PLEKHG3: variants seen among roughly 807,000 people sequenced by gnomAD.
PLEKHG3 encodes pleckstrin homology domain-containing family G member 3.
PLEKHG3 carries 62 observed loss-of-function variants against 94.9 expected under a neutral mutation model. The observed-to-expected ratio is 0.65, with a 90% CI of 0.53 to 0.81. The LOEUF is 0.81. Among genes scored for constraint, PLEKHG3 ranks in the 30% least tolerant of loss-of-function variants. PLEKHG3 has a pLI of 0.00. For synonymous variants in PLEKHG3, 614 were observed against 654.0 expected, an observed-to-expected ratio of 0.94 and a Z score of 0.93; for missense variants, 1,461 against 1,619.3, an observed-to-expected ratio of 0.90 and a Z score of 1.68.
At chr14:64,737,495 C>T (rs927075065) in intron 14 of PLEKHG3, 120 bp downstream of exon 14, 3 of 676,858 alleles carry the variant, frequency 4.4e-6, no homozygotes, top group Non-Finnish European at 7.6e-6. Flanking sequence ...ACTAAGCACC[C>T]ACTGTGTACC....
In PLEKHG3 at chr14:64,738,598, T is replaced by TTGGCTCTGGAA; in HGVS notation, c.1405-137_1405-127dup. ...GCAGCCCCAGGCCTGGCAGTTCAGG[T>TTGGCTCTGGAA]TGGCTCTGGAATGGCTCAGGTCCAA... is the stretch of plus-strand genomic sequence containing the variant. On this transcript the variant is annotated intron_variant, in intron 14 of 16. Coordinates refer to ENST00000247226, the MANE Select transcript of PLEKHG3 (RefSeq NM_001308147.2). This position sits in a 1 kb window ranked among gnomAD's most constrained non-coding sequence, Gnocchi z 4.8. 3.1e-6 allele frequency: 2 copies of TTGGCTCTGGAA among 652,036 alleles called. No individual in the cohort carries two copies. The highest frequency in any genetic ancestry group is 3.8e-5 in the South Asian group (2 of 52,964). The allele number at this position is 652,036 out of a possible 1,614,324, so 40.4% of individuals were successfully genotyped here.
intron 14 of PLEKHG3, among the ~76,000 whole-genome samples, 172 bp downstream of exon 14, chr14:64,737,547 G>A (rs1363473956): frequency 6.6e-6 from 1 of 152,234 alleles, no homozygotes; most frequent in Non-Finnish European, 1.5e-5. Context: ...TAAGACATGG[G>A]CCTTGCCCTG....
In PLEKHG3 at chr14:64,721,312, G is replaced by C. The variant is rs1174979020; in HGVS notation, c.-39-6281G>C. On this transcript the variant is annotated intron_variant, in intron 1 of 16. Coordinates refer to ENST00000247226, the MANE Select transcript of PLEKHG3 (RefSeq NM_001308147.2). This position sits in a 1 kb window ranked among gnomAD's most constrained non-coding sequence, Gnocchi z 4.3. Reference sequence around the variant, plus strand: ...GGGGACAGGGGGGTGTAGATGAACAGCCCTCCCTCTGAGCTAGGTGCCTGG... The same window carrying C: ...GGGGACAGGGGGGTGTAGATGAACACCCCTCCCTCTGAGCTAGGTGCCTGG... Among the ~76,000 whole-genome samples the C allele has an allele frequency of 1.3e-5, 2 of 152,002 alleles. No individual in the cohort carries two copies. Among genetic ancestry groups the C allele is most frequent in the Non-Finnish European group, 2.9e-5 (2 of 67,962 alleles).
rs1566693944 is a variant in PLEKHG3, at chr14:64,716,470, CACACACACACAA to C, written c.-39-11122_-39-11111del. Among the ~76,000 whole-genome samples the C allele has an allele frequency of 6.2e-4, 81 of 130,890 alleles. No individual in the cohort carries two copies. The highest frequency in any genetic ancestry group is 2.3e-3 in the African/African-American group (79 of 33,656). The allele number at this position is 130,890 out of a possible 152,430, so 85.9% of individuals were successfully genotyped here. A position where few individuals can be genotyped will look rare whatever the true frequency, so the allele number is the denominator to read the frequency against. ...CACACACACACACACACACACAACA[CACACACACACAA>C]CACACACACACACAACACACACACA... On this transcript the variant is annotated intron_variant, in intron 1 of 16. Coordinates refer to ENST00000247226, the MANE Select transcript of PLEKHG3 (RefSeq NM_001308147.2). This position sits in a 1 kb window ranked among gnomAD's most constrained non-coding sequence, Gnocchi z 5.0.
At position 64,738,927 on chromosome 14, in the gene PLEKHG3, G is replaced by C; in HGVS notation, c.1518+72G>C. ...TCCAGATTTTCAAGTCTGCAAATAGGGCTTTCAGGCACAGGCTCTCCCACT... is the reference window on the plus strand; with the variant it reads ...TCCAGATTTTCAAGTCTGCAAATAGCGCTTTCAGGCACAGGCTCTCCCACT... On this transcript the variant is annotated intron_variant, in intron 15 of 16. Coordinates refer to ENST00000247226, the MANE Select transcript of PLEKHG3 (RefSeq NM_001308147.2). This position sits in a 1 kb window ranked among gnomAD's most constrained non-coding sequence, Gnocchi z 4.8. 1 of 926,920 alleles carries C rather than the reference G, an allele frequency of 1.1e-6. No individual in the cohort carries two copies. 57.4% of individuals were successfully genotyped at this position (926,920 alleles called of 1,614,324 possible).
Position 64,743,309 on chromosome 14 carries a change from C to T in PLEKHG3, c.3266C>T (p.Pro1089Leu). 1 of 1,608,370 alleles carries T rather than the reference C, an allele frequency of 6.2e-7. No individual in the cohort carries two copies. The highest frequency in any genetic ancestry group is 1.1e-5 in the South Asian group (1 of 90,896). The change falls in exon 17 of 17, where the codon CCA becomes CTA. Residue 1089 changes from proline to leucine, a missense_variant. Physicochemically the swap from Pro to Leu is moderately conservative, Grantham distance 98. Transcript: ENST00000247226. The surrounding 1 kb of genome is among the most constrained non-coding windows in gnomAD (Gnocchi z 7.2). The stretch of plus-strand genomic sequence containing the variant: ...TCGGTGCCGGAGAACATGGTAGAGC[C>T]ACCTCTGTCGGGCAGGGTGGGCCGC... ...SHSVPENMVEPPLSGRVGRCR... is the reference protein window; with the variant it reads ...SHSVPENMVELPLSGRVGRCR...
In PLEKHG3 at chr14:64,739,265, T is replaced by C. The variant is rs1337133354; in HGVS notation, c.1518+410T>C. 5.3e-5 allele frequency among the ~76,000 whole-genome samples: 8 copies of C among 152,204 alleles called. No homozygotes were observed. In the East Asian group the frequency reaches 1.5e-3, roughly 29 times the overall value. On this transcript the variant is annotated intron_variant, in intron 15 of 16. Transcript: ENST00000247226. This position sits in a 1 kb window ranked among gnomAD's most constrained non-coding sequence, Gnocchi z 4.1. ...GAACTGATATCTGTTGGACACCTCC[T>C]CTGTAACTGATGTGTTATTTCTTCC...
rs201370019 is a variant in PLEKHG3 at position 64,741,459 on chromosome 14, G to T, written c.1942G>T (p.Glu648Ter). The T allele has an allele frequency of 5.6e-6, 9 of 1,612,626 alleles. No individual in the cohort carries two copies. Among genetic ancestry groups the T allele is most frequent in the Non-Finnish European group, 7.6e-6 (9 of 1,180,018 alleles). The change falls in exon 16 of 17, where the codon GAG (glutamate) becomes TAG (stop). Residue 648 changes from glutamate to a stop codon, truncating the protein, a stop_gained. Coordinates refer to ENST00000247226, the MANE Select transcript of PLEKHG3 (RefSeq NM_001308147.2). LOFTEE classifies it high-confidence loss of function. ...SSSVLSLEGS[E>*]KGLARHGSAT... Reference sequence around the variant, plus strand: ...CAGCGTGCTCAGCCTGGAGGGCAGCGAGAAGGGCCTGGCCCGGCATGGCAG... The same window carrying T: ...CAGCGTGCTCAGCCTGGAGGGCAGCTAGAAGGGCCTGGCCCGGCATGGCAG...
Position 64,744,935 on chromosome 14 carries a change from C to A in PLEKHG3, c.*1232C>A. 1 of 152,136 alleles carries A rather than the reference C, an allele frequency of 6.6e-6. No individual in the cohort carries two copies. Among genetic ancestry groups the A allele is most frequent in the Non-Finnish European group, 1.5e-5 (1 of 68,024 alleles). The allele number at this position is 152,136 out of a possible 1,614,324, so 9.4% of individuals were successfully genotyped here. On this transcript the variant is annotated 3_prime_UTR_variant, in exon 17 of 17. Coordinates refer to ENST00000247226, the MANE Select transcript of PLEKHG3 (RefSeq NM_001308147.2). ...GACTACAGGCATGAGCCACCACACC[C>A]AGCTAATTTTTTGTATTTTTAGTAG...
chr14:64,711,204 C>T (rs111961842), intron 1 of PLEKHG3, among the ~76,000 whole-genome samples: 1,889 of 152,176 alleles, frequency 0.012, 46 homozygotes, highest in African/African-American at 0.042. Context: ...GGAGCCCGCT[C>T]TTAGCCCTAC....
In PLEKHG3 at chr14:64,704,786, C is replaced by T; in HGVS notation, c.-40+82C>T. The T allele has an allele frequency of 6.6e-6, 1 of 152,660 alleles. No homozygotes were observed. The highest frequency in any genetic ancestry group is 1.5e-5 in the Non-Finnish European group (1 of 68,290). The allele number at this position is 152,660 out of a possible 1,614,324, so 9.5% of individuals were successfully genotyped here. On this transcript the variant is annotated intron_variant, in intron 1 of 16. Coordinates refer to ENST00000247226, the MANE Select transcript of PLEKHG3 (RefSeq NM_001308147.2). This position sits in a 1 kb window ranked among gnomAD's most constrained non-coding sequence, Gnocchi z 5.6. The stretch of plus-strand genomic sequence containing the variant: ...GGCGGTGCCGGCAGTCACGCTGGGG[C>T]CCCAGTCCCTTCGCGGCCCCCGTGC...
rs757322141 is a variant in PLEKHG3 at position 64,742,202 on chromosome 14, C to G, written c.2685C>G (p.Thr895=). 1 of 1,613,010 alleles carries G rather than the reference C, an allele frequency of 6.2e-7. No homozygotes were observed. The highest frequency in any genetic ancestry group is 1.3e-5 in the African/African-American group (1 of 75,074). Residue 895 remains threonine, a synonymous_variant, in exon 16 of 17, where the codon ACC becomes ACG. Coordinates refer to ENST00000247226, the MANE Select transcript of PLEKHG3 (RefSeq NM_001308147.2). ...KELVKELSSS[T]QGELVAPLHP... The stretch of plus-strand genomic sequence containing the variant: ...TGGTGAAGGAGCTGAGCAGCAGTAC[C>G]CAGGGGGAGCTGGTGGCCCCACTGC...
rs750567714 is a variant in PLEKHG3, at chr14:64,731,334, C to G, written c.850-27C>G. 1.9e-5 allele frequency: 31 copies of G among 1,601,052 alleles called. No individual in the cohort carries two copies. Among genetic ancestry groups the G allele is most frequent in the Non-Finnish European group, 2.6e-5 (30 of 1,169,988 alleles). ...CTCCTAAGGCCCCAGTGGCCTGACTCTAGGGATTGGGGCCCCTCTGCTGCA... is the reference window on the plus strand; with the variant it reads ...CTCCTAAGGCCCCAGTGGCCTGACTGTAGGGATTGGGGCCCCTCTGCTGCA... On this transcript the variant is annotated intron_variant, in intron 7 of 16. Coordinates refer to ENST00000247226, the MANE Select transcript of PLEKHG3 (RefSeq NM_001308147.2). This position sits in a 1 kb window ranked among gnomAD's most constrained non-coding sequence, Gnocchi z 6.1.
At position 64,738,023 on chromosome 14, in the gene PLEKHG3, C is replaced by A; in HGVS notation, c.1404+648C>A. 7.8e-7 allele frequency: 1 copy of A among 1,281,932 alleles called. No individual in the cohort carries two copies. The highest frequency in any genetic ancestry group is 1.0e-6 in the Non-Finnish European group (1 of 986,144). The allele number at this position is 1,281,932 out of a possible 1,614,324, so 79.4% of individuals were successfully genotyped here. On this transcript the variant is annotated intron_variant, in intron 14 of 16. Transcript: ENST00000247226. This position sits in a 1 kb window ranked among gnomAD's most constrained non-coding sequence, Gnocchi z 4.8. Reference sequence around the variant, plus strand: ...AGGAGGAAGAGCAGGCCTTTCAGGTCTCTCTGGAGGACCTGACAGGGCATG... The same window carrying A: ...AGGAGGAAGAGCAGGCCTTTCAGGTATCTCTGGAGGACCTGACAGGGCATG...
Position 64,749,719 on chromosome 14 carries a change from G to A in PLEKHG3, c.*6016G>A. ...AGCCTAGGAGGACAAAGGGTTTCCT[G>A]TCATGGAGACACCTCTGGAGGGGGC... On this transcript the variant is annotated 3_prime_UTR_variant, in exon 17 of 17. Transcript: ENST00000247226. This position sits in a 1 kb window ranked among gnomAD's most constrained non-coding sequence, Gnocchi z 4.7. 1 of 1,612,736 alleles carries A rather than the reference G, an allele frequency of 6.2e-7. No homozygotes were observed. Among genetic ancestry groups the A allele is most frequent in the Non-Finnish European group, 8.5e-7 (1 of 1,179,452 alleles).
rs2081437522 is a variant in PLEKHG3 at position 64,730,527 on chromosome 14, G to A, written c.520-115G>A. 1.3e-5 allele frequency: 11 copies of A among 868,604 alleles called. No homozygotes were observed. The highest frequency in any genetic ancestry group is 8.0e-5 in the Admixed American group (4 of 50,072). 53.8% of individuals were successfully genotyped at this position (868,604 alleles called of 1,614,324 possible). ...AATAGGTATAAAGATGGCTCTGTAG[G>A]CATTTGGGAACAGGGGACAGAGGGT... On this transcript the variant is annotated intron_variant, in intron 4 of 16. Coordinates refer to ENST00000247226, the MANE Select transcript of PLEKHG3 (RefSeq NM_001308147.2). The surrounding 1 kb of genome is among the most constrained non-coding windows in gnomAD (Gnocchi z 5.4).
In PLEKHG3 at chr14:64,723,160, GGGTGT is replaced by G. The variant is rs144118247; in HGVS notation, c.-39-4424_-39-4420del. Among the ~76,000 whole-genome samples, 35,872 of 151,754 alleles carry G rather than the reference GGGTGT, an allele frequency of 0.24. 4,430 individuals are homozygous for G. Among genetic ancestry groups the G allele is most frequent in the African/African-American group, 0.3 (12,267 of 41,312 alleles). On this transcript the variant is annotated intron_variant, in intron 1 of 16. Coordinates refer to ENST00000247226, the MANE Select transcript of PLEKHG3 (RefSeq NM_001308147.2). The surrounding 1 kb of genome is among the most constrained non-coding windows in gnomAD (Gnocchi z 4.5). ...CAGAGGGTAGGTGTGGGTGGAGGAAGGGTGTGGTGTGGTTTAGGCTTAAATTTAAA... is the reference window on the plus strand; with the variant it reads ...CAGAGGGTAGGTGTGGGTGGAGGAAGGGTGTGGTTTAGGCTTAAATTTAAA...
At position 64,727,696 on chromosome 14, in the gene PLEKHG3, C is replaced by T. The variant is rs763986881; in HGVS notation, c.65C>T (p.Thr22Ile). 14 of 1,612,400 alleles carry T rather than the reference C, an allele frequency of 8.7e-6. No homozygotes were observed. Among genetic ancestry groups the T allele is most frequent in the Non-Finnish European group, 1.1e-5 (13 of 1,179,738 alleles). ...GAGCGGCCGGTGAGCCTGACCTCTA[C>T]CACCTCCTCGTCGGGCTCCTCCTGT... Reference protein sequence around the residue: ...SQERPVSLTSTTSSSGSSCDS... With the variant: ...SQERPVSLTSITSSSGSSCDS... Residue 22 changes from threonine (T) to isoleucine (I), a missense_variant, in exon 2 of 17, where the codon ACC (threonine) becomes ATC (isoleucine). Thr to Ile is a moderately conservative substitution (Grantham distance 89). Transcript: ENST00000247226. The surrounding 1 kb of genome is among the most constrained non-coding windows in gnomAD (Gnocchi z 6.0).
chr14:64,718,692 T>C lies in PLEKHG3; in HGVS notation c.-39-8901T>C, dbSNP rs926361012. On this transcript the variant is annotated intron_variant, in intron 1 of 16. Coordinates refer to ENST00000247226, the MANE Select transcript of PLEKHG3 (RefSeq NM_001308147.2). This position sits in a 1 kb window ranked among gnomAD's most constrained non-coding sequence, Gnocchi z 5.0. The stretch of plus-strand genomic sequence containing the variant: ...TGCTGGCTGTAGTCCCTGGGCTCTT[T>C]CATACACATTCTTCTGCTTTTCCTT... Among the ~76,000 whole-genome samples, 8 of 152,160 alleles carry C rather than the reference T, an allele frequency of 5.3e-5. No homozygotes were observed. The highest frequency in any genetic ancestry group is 2.6e-4 in the Admixed American group (4 of 15,286).
Sources: gnomAD v4.1 joint callset for allele counts (sites outside exome capture counted in the v4.1 genomes callset) on GRCh38, gnomAD v4.1.1 for gene constraint, Gnocchi (gnomAD v3.1) non-coding constraint, MANE v1.5 for transcripts, NCBI Gene and HGNC (gene_info 2026-07-23, HGNC 2026-07-21) for gene names.